RAPGEF5: variants seen among roughly 807,000 people sequenced by gnomAD.
RAPGEF5 encodes Rap guanine nucleotide exchange factor 5, also known as M-Ras-regulated GEF.
A neutral mutation model predicts 125.2 loss-of-function variants in RAPGEF5; 65 were observed. The observed-to-expected ratio is 0.52, with a 90% CI of 0.43 to 0.64. RAPGEF5 has a LOEUF of 0.64. RAPGEF5 is among the 30% of genes least tolerant of loss of function. The pLI, the probability that RAPGEF5 is intolerant of heterozygous loss-of-function variation, is 0.00. For missense variants in RAPGEF5, 958 were observed against 1,048.1 expected, an observed-to-expected ratio of 0.91 and a Z score of 1.19; for synonymous variants, 391 against 385.9, an observed-to-expected ratio of 1.01 and a Z score of -0.16.
intron 7 of RAPGEF5, among the ~76,000 whole-genome samples, chr7:22,238,074 G>C (rs1786237958): frequency 2.6e-5 from 4 of 152,140 alleles, no homozygotes; most frequent in Middle Eastern, 3.2e-3. Context: ...GCAGGAAGTA[G>C]ATCATAATTG....
At chr7:22,310,501 G>GC (rs1162923253) in intron 3 of RAPGEF5, among the ~76,000 whole-genome samples, 1 of 152,202 alleles carries the variant, frequency 6.6e-6, no homozygotes, top group African/African-American at 2.4e-5. Flanking sequence ...AAATTTAGCA[G>GC]CCTTTTATAT....
At chr7:22,287,832 T>C (rs537115875) in intron 6 of RAPGEF5, among the ~76,000 whole-genome samples, 4 of 152,358 alleles carry the variant, frequency 2.6e-5, no homozygotes, top group African/African-American at 9.6e-5. Flanking sequence ...AATGGAATTT[T>C]AGAACTTGAA....
At chr7:22,338,297 C>T (rs1254716704) in intron 1 of RAPGEF5, among the ~76,000 whole-genome samples, 1 of 152,206 alleles carries the variant, frequency 6.6e-6, no homozygotes, top group African/African-American at 2.4e-5. Context: ...GGTGGGTAGA[C>T]AACTCCCAGC....
intron 6 of RAPGEF5, among the ~76,000 whole-genome samples, chr7:22,277,255 C>T (rs1394213103): frequency 2.0e-5 from 3 of 152,174 alleles, no homozygotes; most frequent in African/African-American, 4.8e-5. Flanking sequence ...TATCAATCAA[C>T]TTAAGTAGCT....
At chr7:22,247,892 A>G (rs1028055932) in intron 7 of RAPGEF5, among the ~76,000 whole-genome samples, 12 of 152,208 alleles carry the variant, frequency 7.9e-5, no homozygotes, top group African/African-American at 2.7e-4. Context: ...CAAATACTGC[A>G]TGTTCTTACT....
intron 1 of RAPGEF5, among the ~76,000 whole-genome samples, chr7:22,346,334 C>T (rs1395691422): frequency 6.6e-6 from 1 of 152,136 alleles, no homozygotes; most frequent in Non-Finnish European, 1.5e-5. Context: ...TTGAAACAGG[C>T]ATCATACTTC....
At chr7:22,327,303 T>C (rs1234702533) in intron 1 of RAPGEF5, among the ~76,000 whole-genome samples, 2 of 152,234 alleles carry the variant, frequency 1.3e-5, no homozygotes, top group Non-Finnish European at 2.9e-5. Context: ...TTAGAATTTA[T>C]GTGTTTCTAA....
chr7:22,197,524 CCTAA>C (rs1785174354), intron 9 of RAPGEF5, among the ~76,000 whole-genome samples: 1 of 152,130 alleles, frequency 6.6e-6, no homozygotes, highest in African/African-American at 2.4e-5. Flanking sequence ...ACTTTCTTGG[CCTAA>C]CTCTTATTTA....
chr7:22,175,406 A>C (rs1784472804), intron 11 of RAPGEF5, among the ~76,000 whole-genome samples: 1 of 152,164 alleles, frequency 6.6e-6, no homozygotes, highest in African/African-American at 2.4e-5. Context: ...CTCCTCCTAA[A>C]GTTGTAGAGC....
intron 11 of RAPGEF5, among the ~76,000 whole-genome samples, chr7:22,183,527 G>A (rs1049768098): frequency 1.3e-5 from 2 of 152,014 alleles, no homozygotes; most frequent in African/African-American, 2.4e-5. Flanking sequence ...GGCATTTGAG[G>A]TAAAGTATTT....
intron 1 of RAPGEF5, among the ~76,000 whole-genome samples, chr7:22,339,071 A>C (rs1444914102): frequency 1.3e-5 from 2 of 152,198 alleles, no homozygotes; most frequent in Non-Finnish European, 1.5e-5. Flanking sequence ...ATGGAGTTTA[A>C]CTGGTGTATG....
chr7:22,301,721 C>T (rs1169752345), intron 5 of RAPGEF5, among the ~76,000 whole-genome samples: 1 of 151,380 alleles, frequency 6.6e-6, no homozygotes, highest in Non-Finnish European at 1.5e-5. Flanking sequence ...ACACAAAAGA[C>T]AGGAATAACC....
intron 6 of RAPGEF5, among the ~76,000 whole-genome samples, chr7:22,279,939 T>G (rs912898279): frequency 6.6e-6 from 1 of 152,120 alleles, no homozygotes; most frequent in African/African-American, 2.4e-5. Flanking sequence ...GGCCTCCATT[T>G]CCAGGGTTTG....
intron 9 of RAPGEF5, among the ~76,000 whole-genome samples, chr7:22,210,037 A>C (rs1785474921): frequency 6.6e-6 from 1 of 152,246 alleles, no homozygotes; most frequent in South Asian, 2.1e-4. Context: ...GAAACTGCTT[A>C]TAATCCTATT....
At chr7:22,151,707 G>C (rs895201810) in intron 17 of RAPGEF5, among the ~76,000 whole-genome samples, 3 of 151,912 alleles carry the variant, frequency 2.0e-5, no homozygotes, top group African/African-American at 7.3e-5. Flanking sequence ...CAAGTGATCC[G>C]CCTGCCTTGG....
chr7:22,259,364 G>A (rs973491066), intron 7 of RAPGEF5, among the ~76,000 whole-genome samples: 1 of 152,224 alleles, frequency 6.6e-6, no homozygotes, highest in African/African-American at 2.4e-5. Context: ...ATCAAATGCT[G>A]GTGAGGATGT....
chr7:22,167,796 ACCAACCAAACCAGGTTACATTGTTATCAT>A (rs1252671612), intron 11 of RAPGEF5, among the ~76,000 whole-genome samples: 3 of 152,176 alleles, frequency 2.0e-5, no homozygotes, highest in Admixed American at 6.5e-5. Flanking sequence ...TCTTTTTTCT[ACCAACCAAACCAGGTTACATTGTTATCAT>A]CTTTGTGCTT....
intron 9 of RAPGEF5, among the ~76,000 whole-genome samples, chr7:22,196,458 G>A (rs1785149219): frequency 6.6e-6 from 1 of 152,194 alleles, no homozygotes; most frequent in African/African-American, 2.4e-5. Flanking sequence ...ACACTTAATT[G>A]ACATTCATTC....
At chr7:22,276,689 A>G (rs1636899) in intron 6 of RAPGEF5, among the ~76,000 whole-genome samples, 67,746 of 152,086 alleles carry the variant, frequency 0.45, 15,643 homozygotes, top group East Asian at 0.69. Flanking sequence ...GTCTAAAACA[A>G]GAGTAGGAAA....
Sources: gnomAD v4.1 joint callset for allele counts (sites outside exome capture counted in the v4.1 genomes callset) on GRCh38, gnomAD v4.1.1 for gene constraint, MANE v1.5 for transcripts, NCBI Gene and HGNC (gene_info 2026-07-23, HGNC 2026-07-21) for gene names.